PKD1: variants seen among roughly 807,000 people sequenced by gnomAD.
The protein encoded by PKD1 is polycystin-1.
In PKD1, 81 loss-of-function variants were observed where a neutral mutation model predicts 361.7. That is an observed-to-expected ratio of 0.22 (90% CI 0.19 to 0.27). The LOEUF (loss-of-function observed/expected upper bound fraction) is 0.27. Ranked by LOEUF, PKD1 falls within the 10% of genes least tolerant of loss-of-function variation. The pLI, the probability that PKD1 is intolerant of heterozygous loss-of-function variation, is 1.00. For synonymous variants in PKD1, 3,615 were observed against 2,818.3 expected, an observed-to-expected ratio of 1.28 and a Z score of -8.95; for missense variants, 6,399 against 6,118.3, an observed-to-expected ratio of 1.05 and a Z score of -1.53.
chr16:2,118,599 G>C lies in PKD1; in HGVS notation c.529+77C>G, dbSNP rs1424032230. Reference sequence around the variant, plus strand: ...GCCCCCCCCAGAGAGGCCTTCCTGAGCCCTGCCCAGTGTCTGCAGGGCCCA... The same window carrying C: ...GCCCCCCCCAGAGAGGCCTTCCTGACCCCTGCCCAGTGTCTGCAGGGCCCA... On this transcript the variant is annotated intron_variant, in intron 4 of 45. Transcript: ENST00000262304. The surrounding 1 kb of genome is among the most constrained non-coding windows in gnomAD (Gnocchi z 6.0). 5.2e-6 allele frequency: 4 copies of C among 765,788 alleles called. No individual in the cohort carries two copies. The highest frequency in any genetic ancestry group is 9.0e-6 in the Non-Finnish European group (4 of 445,574). 47.4% of individuals were successfully genotyped at this position (765,788 alleles called of 1,614,324 possible).
chr16:2,109,878 G>A lies in PKD1; in HGVS notation c.5289C>T (p.Ser1763=), dbSNP rs754811949. ...SLEEGLSWET[S]EPFTTHSFPT... ...GGAAGCTATGGGTGGTAAATGGCTC[G>A]GAGGTCTCCCAGCTCAGCCCCTCCT... Residue 1763 remains serine, a synonymous_variant, in exon 15 of 46, where the codon TCC becomes TCT. Coordinates refer to ENST00000262304, the MANE Select transcript of PKD1 (RefSeq NM_001009944.3). 3.6e-5 allele frequency: 58 copies of A among 1,610,546 alleles called. No individual in the cohort carries two copies. The highest frequency in any genetic ancestry group is 2.2e-4 in the Admixed American group (13 of 59,990).
rs9936029 is a variant in PKD1 at position 2,102,653 on chromosome 16, C to T, written c.8949-20G>A. 9,596 of 1,610,648 alleles carry T rather than the reference C, an allele frequency of 6.0e-3. 512 individuals are homozygous for T. In the African/African-American group the frequency reaches 0.11, roughly 18 times the overall value. ...CTGCTCCTGGGCAGGGAAGGGGTAG[C>T]GGACGTGAGCCCAGGCTCCGCCAGG... is the stretch of plus-strand genomic sequence containing the variant. On this transcript the variant is annotated intron_variant, in intron 24 of 45. Transcript: ENST00000262304.
Position 2,112,425 on chromosome 16 carries a change from C to A in PKD1, c.3210G>T (p.Pro1070=), listed in dbSNP as rs2369075. 6.3e-7 allele frequency: 1 copy of A among 1,585,596 alleles called. No homozygotes were observed. Among genetic ancestry groups the A allele is most frequent in the East Asian group, 2.2e-5 (1 of 44,710 alleles). The change falls in exon 14 of 46, where the codon CCG becomes CCT. Residue 1070 remains proline, a synonymous_variant. Transcript: ENST00000262304. ...GEQALHQFQP[P]YNESFPVPDP... ...CTGGAACCGGGAAGGACTCGTTGTA[C>A]GGAGGCTGGAACTGGTGGAGGGCCT...
In PKD1 at chr16:2,109,620, G is replaced by A. The variant is rs372059917; in HGVS notation, c.5547C>T (p.Gly1849=). The A allele has an allele frequency of 3.1e-6, 5 of 1,608,092 alleles. No homozygotes were observed. Among genetic ancestry groups the A allele is most frequent in the African/African-American group, 1.3e-5 (1 of 74,842 alleles). ...CCGGGAAGACCATGGTGACATGAGG[G>A]CCACGCTTGCTGCTGCCGCCGGGCA... ...WAVPGGSSKR[G]PHVTMVFPDA... The change falls in exon 15 of 46, where the codon GGC becomes GGT. Residue 1849 remains glycine (G), a synonymous_variant. Coordinates refer to ENST00000262304, the MANE Select transcript of PKD1 (RefSeq NM_001009944.3).
chr16:2,118,852 G>C lies in PKD1; in HGVS notation c.360-7C>G. 6.3e-7 allele frequency: 1 copy of C among 1,595,372 alleles called. No individual in the cohort carries two copies. Among genetic ancestry groups the C allele is most frequent in the African/African-American group, 1.3e-5 (1 of 74,962 alleles). Reference sequence around the variant, plus strand: ...CGGGTTCCCACTCAGGTTTCTGCAGGGCAGGGGCAGGTGTTGGGGACCAGG... The same window carrying C: ...CGGGTTCCCACTCAGGTTTCTGCAGCGCAGGGGCAGGTGTTGGGGACCAGG... On this transcript the variant is annotated splice_polypyrimidine_tract_variant and splice_region_variant and intron_variant, in intron 3 of 45. Transcript: ENST00000262304. The surrounding 1 kb of genome is among the most constrained non-coding windows in gnomAD (Gnocchi z 6.0).
intron 42 of PKD1, 32 bp from the exon 43 acceptor site, chr16:2,091,206 G>C (rs1202741651): frequency 5.8e-6 from 7 of 1,211,368 alleles, no homozygotes; most frequent in Non-Finnish European, 7.4e-6. Context: ...GGGCGGGAGG[G>C]ACGCTGCCGG....
Position 2,117,134 on chromosome 16 carries a change from A to C in PKD1, c.1386-81T>G, listed in dbSNP as rs557185428. ...CTCACAGCAGCCCGCTGGGAGCCCC[A>C]TCACTGTCCCCCTTTCCAGATGGGG... On this transcript the variant is annotated intron_variant, in intron 6 of 45. Coordinates refer to ENST00000262304, the MANE Select transcript of PKD1 (RefSeq NM_001009944.3). 1.1e-3 allele frequency: 775 copies of C among 728,072 alleles called. 7 individuals carry two copies. In the African/African-American group the frequency reaches 0.012, roughly 11 times the overall value. The allele number at this position is 728,072 out of a possible 1,614,324, so 45.1% of individuals were successfully genotyped here. A position where few individuals can be genotyped will look rare whatever the true frequency, so the allele number is the denominator to read the frequency against.
rs539995198 is a variant in PKD1 at position 2,107,873 on chromosome 16, C to A, written c.7065+10G>T. 6.5e-7 allele frequency: 1 copy of A among 1,541,882 alleles called. No homozygotes were observed. Among genetic ancestry groups the A allele is most frequent in the Non-Finnish European group, 8.7e-7 (1 of 1,145,406 alleles). Reference sequence around the variant, plus strand: ...CCAAGGCAAGTGGCCGAGGGGCGGGCGGCACCCACCGTCTGGTTGGTGGCC... The same window carrying A: ...CCAAGGCAAGTGGCCGAGGGGCGGGAGGCACCCACCGTCTGGTTGGTGGCC... On this transcript the variant is annotated intron_variant, in intron 16 of 45. Coordinates refer to ENST00000262304, the MANE Select transcript of PKD1 (RefSeq NM_001009944.3).
chr16:2,128,422 T>C (rs2092825121), intron 1 of PKD1, among the ~76,000 whole-genome samples: 1 of 150,834 alleles, frequency 6.6e-6, no homozygotes, highest in South Asian at 2.1e-4. Flanking sequence ...TGCAAGCACA[T>C]CGCAGCCCGA....
chr16:2,102,041 C>A lies in PKD1; in HGVS notation c.9397+20G>T. On this transcript the variant is annotated intron_variant, in intron 26 of 45. Transcript: ENST00000262304. The stretch of plus-strand genomic sequence containing the variant: ...CCAGTGAGAGCAGGGGAGGCCCTGC[C>A]ACCCCGCTGCGCCCCTCACCTGAGC... The A allele has an allele frequency of 2.0e-6, 3 of 1,504,418 alleles. No homozygotes were observed. Among genetic ancestry groups the A allele is most frequent in the Non-Finnish European group, 2.7e-6 (3 of 1,104,442 alleles). The allele number at this position is 1,504,418 out of a possible 1,614,324, so 93.2% of individuals were successfully genotyped here.
In PKD1 at chr16:2,110,190, G is replaced by A. The variant is rs755165163; in HGVS notation, c.4977C>T (p.Gly1659=). 3.7e-6 allele frequency: 6 copies of A among 1,611,330 alleles called. No individual in the cohort carries two copies. The highest frequency in any genetic ancestry group is 5.1e-6 in the Non-Finnish European group (6 of 1,179,792). Residue 1659 remains glycine (G), a synonymous_variant, in exon 15 of 46, where the codon GGC becomes GGT. Coordinates refer to ENST00000262304, the MANE Select transcript of PKD1 (RefSeq NM_001009944.3). Reference sequence around the variant, plus strand: ...CAGTCCAGCTGTAGGAGACGTTGGTGCCATCCCTAACCACGGCCTGCAGCT... The same window carrying A: ...CAGTCCAGCTGTAGGAGACGTTGGTACCATCCCTAACCACGGCCTGCAGCT... ...TVQLQAVVRD[G]TNVSYSWTAW... is the part of the protein sequence containing the mutation.
intron 1 of PKD1, among the ~76,000 whole-genome samples, chr16:2,126,586 G>A (rs942257710): frequency 7.9e-5 from 12 of 152,292 alleles, no homozygotes; most frequent in Non-Finnish European, 1.5e-4. Context: ...TCTGCAGGGA[G>A]ACTGTGGCGC....
rs971243512 is a variant in PKD1, at chr16:2,100,936, C to T, written c.9398-370G>A. ...CTCAGTTCATGCACAGACTGCAAAG[C>T]GTGAAGCTGTGTCACCTCCTCTCCC... On this transcript the variant is annotated intron_variant, in intron 26 of 45. Transcript: ENST00000262304. This position sits in a 1 kb window ranked among gnomAD's most constrained non-coding sequence, Gnocchi z 4.4. Among the ~76,000 whole-genome samples the T allele has an allele frequency of 2.6e-5, 4 of 152,154 alleles. No individual in the cohort carries two copies. Among genetic ancestry groups the T allele is most frequent in the African/African-American group, 4.8e-5 (2 of 41,444 alleles).
chr16:2,125,418 G>A (rs1567225375), intron 1 of PKD1, among the ~76,000 whole-genome samples: 2 of 152,154 alleles, frequency 1.3e-5, no homozygotes, highest in African/African-American at 2.4e-5. Flanking sequence ...AGACTAGCTG[G>A]GGAGCCCCAG....
intron 10 of PKD1, 199 bp from the exon 11 acceptor site, chr16:2,115,124 C>A: frequency 3.1e-6 from 3 of 972,298 alleles, no homozygotes; most frequent in Non-Finnish European, 3.7e-6. Context: ...CAGGCCAAGA[C>A]CTGGCAGACA....
intron 37 of PKD1, 193 bp from the exon 38 acceptor site, chr16:2,093,286 C>T (rs1025317540): frequency 1.4e-6 from 1 of 712,218 alleles, no homozygotes; most frequent in Admixed American, 2.3e-5. Context: ...TGGGGGCAGA[C>T]ACACAGGCCA....
At chr16:2,135,112 C>T (rs2432379) in intron 1 of PKD1, 4 of 979,902 alleles carry the variant, frequency 4.1e-6, no homozygotes. Context: ...TCTTCCCTGC[C>T]GCCCCCTACA....
rs1340733017 is a variant in PKD1, at chr16:2,115,989, C to T, written c.1849+3G>A. On this transcript the variant is annotated splice_donor_region_variant and intron_variant, in intron 9 of 45. Transcript: ENST00000262304. ...ACCCACCACCCACCACCCAGAGTCC[C>T]ACCTGCTGTGCTGAGGAGCCGGTAC... The T allele has an allele frequency of 1.3e-6, 2 of 1,547,426 alleles. No individual in the cohort carries two copies. The highest frequency in any genetic ancestry group is 1.7e-6 in the Non-Finnish European group (2 of 1,146,026).
Position 2,088,972 on chromosome 16 carries a change from C to T in PKD1, c.*755G>A, listed in dbSNP as rs967702702. ...CTCTAACCACCCTGGGGTCCTCTGA[C>T]ATGCCTAGTCCTGCTACTTGCCCAG... On this transcript the variant is annotated 3_prime_UTR_variant, in exon 46 of 46. Coordinates refer to ENST00000262304, the MANE Select transcript of PKD1 (RefSeq NM_001009944.3). 2.5e-5 allele frequency: 8 copies of T among 318,008 alleles called. No homozygotes were observed. Among genetic ancestry groups the T allele is most frequent in the South Asian group, 1.9e-4 (6 of 31,370 alleles). The allele number at this position is 318,008 out of a possible 1,614,324, so 19.7% of individuals were successfully genotyped here. A position where few individuals can be genotyped will look rare whatever the true frequency, so the allele number is the denominator to read the frequency against.
Sources: gnomAD v4.1 joint callset for allele counts (sites outside exome capture counted in the v4.1 genomes callset) on GRCh38, gnomAD v4.1.1 for gene constraint, Gnocchi (gnomAD v3.1) non-coding constraint, MANE v1.5 for transcripts, NCBI Gene and HGNC (gene_info 2026-07-23, HGNC 2026-07-21) for gene names.